Variants in NPHP4 observed in about 807,000 individuals in gnomAD.
NPHP4 encodes nephrocystin 4.
Under a neutral mutation model 155.8 loss-of-function variants are expected in NPHP4, and 151 were observed. That is an observed-to-expected ratio of 0.97 (90% CI 0.85 to 1.11). The LOEUF (loss-of-function observed/expected upper bound fraction) is 1.11, where lower values mean the gene tolerates loss of function less well. NPHP4 is among the 50% of genes least tolerant of loss of function. The pLI is 0.00. For missense variants in NPHP4, 1,956 were observed against 1,925.7 expected (o/e 1.02, Z -0.29); for synonymous variants, 845 against 816.8 (o/e 1.03, Z -0.59).
In NPHP4 at chr1:5,964,939, A is replaced by ATTTTTT. The variant is rs1232148646; in HGVS notation, c.517+2359_517+2360insAAAAAA. The stretch of plus-strand genomic sequence containing the variant: ...ATATTATATATATATATATATATAT[A>ATTTTTT]TATTTTTTTTTTTTGAGGCAGGGTC... On this transcript the variant is annotated intron_variant, in intron 5 of 29. Transcript: ENST00000378156. 3.8e-3 allele frequency among the ~76,000 whole-genome samples: 236 copies of ATTTTTT among 62,664 alleles called. 11 individuals are homozygous for ATTTTTT. The highest frequency in any genetic ancestry group is 0.016 in the African/African-American group (202 of 13,024). The allele number at this position is 62,664 out of a possible 152,430, so 41.1% of individuals were successfully genotyped here.
At chr1:5,932,469 G>A (rs954061237) in intron 10 of NPHP4, among the ~76,000 whole-genome samples, 6 of 152,008 alleles carry the variant, frequency 3.9e-5, no homozygotes, top group East Asian at 3.9e-4. Flanking sequence ...AGAGCCCAAC[G>A]GACTCTAGCC....
At position 5,956,840 on chromosome 1, in the gene NPHP4, G is replaced by C. The variant is rs1483408479; in HGVS notation, c.674-4004C>G. On this transcript the variant is annotated intron_variant, in intron 6 of 29. Transcript: ENST00000378156. The stretch of plus-strand genomic sequence containing the variant: ...TTTCTCCCCAAATACATCTTTATGA[G>C]CAGGCCCTATTATTGTCCCCAATTT... 2.0e-5 allele frequency among the ~76,000 whole-genome samples: 3 copies of C among 152,270 alleles called. No homozygotes were observed. The East Asian group carries it at 5.8e-4, about 29-fold the overall frequency.
At chr1:5,964,941 A>ATATATATATTTTTTTTT in intron 5 of NPHP4, among the ~76,000 whole-genome samples, 6 of 59,414 alleles carry the variant, frequency 1.0e-4, no homozygotes, top group Admixed American at 2.3e-4. Flanking sequence ...ATATATATAT[A>ATATATATATTTTTTTTT]TTTTTTTTTT....
chr1:5,875,070 G>A lies in NPHP4; in HGVS notation c.2848C>T (p.Arg950Trp), dbSNP rs371939932. 6 of 1,606,568 alleles carry A rather than the reference G, an allele frequency of 3.7e-6. No individual in the cohort carries two copies. Among genetic ancestry groups the A allele is most frequent in the African/African-American group, 1.3e-5 (1 of 74,920 alleles). ...AQQSVRTQHL[R>W]DLQVIAAYRE... ...TAGGCGGCGATGACCTGTAGGTCCC[G>A]CAAGTGCTGTGTGCGGACGCTCTGC... Residue 950 changes from arginine (R) to tryptophan (W), a missense_variant, in exon 21 of 30, where the codon CGG (arginine) becomes TGG (tryptophan). Physicochemically the swap from Arg to Trp is moderately radical, Grantham distance 101. Coordinates refer to ENST00000378156, the MANE Select transcript of NPHP4 (RefSeq NM_015102.5).
At chr1:5,871,929 T>C (rs1162225719) in intron 23 of NPHP4, among the ~76,000 whole-genome samples, 2 of 152,238 alleles carry the variant, frequency 1.3e-5, no homozygotes, top group Non-Finnish European at 1.5e-5. Flanking sequence ...GCAGTAATTA[T>C]GGGTAAACTA....
rs374387338 is a variant in NPHP4 at position 5,867,809 on chromosome 1, G to A, written c.3403C>T (p.Arg1135Cys). The change falls in exon 24 of 30, where the codon CGC becomes TGC. Residue 1135 changes from arginine to cysteine, a missense_variant. Arg to Cys is a radical substitution (Grantham distance 180). Coordinates refer to ENST00000378156, the MANE Select transcript of NPHP4 (RefSeq NM_015102.5). This position sits in a 1 kb window ranked among gnomAD's most constrained non-coding sequence, Gnocchi z 4.1. ...AAGGAGAGCTCCGGGTGATAGAAGCGGAAGACCTGGTCCACCACGTGGGGC... is the reference window on the plus strand; with the variant it reads ...AAGGAGAGCTCCGGGTGATAGAAGCAGAAGACCTGGTCCACCACGTGGGGC... ...LQPHVVDQVF[R>C]FYHPELSFLK... is the part of the protein sequence containing the mutation. The A allele has an allele frequency of 2.4e-5, 39 of 1,613,172 alleles. 1 individual carries two copies. Among genetic ancestry groups the A allele is most frequent in the Admixed American group, 1.8e-4 (11 of 60,000 alleles).
intron 12 of NPHP4, 74 bp downstream of exon 12, chr1:5,909,077 AG>A: frequency 8.0e-7 from 1 of 1,244,750 alleles, no homozygotes; most frequent in Non-Finnish European, 1.2e-6. Context: ...ACTGTGCTTA[AG>A]GGGGGACAGA....
chr1:5,923,827 T>G (rs767655259), intron 11 of NPHP4, among the ~76,000 whole-genome samples: 3 of 152,166 alleles, frequency 2.0e-5, no homozygotes, highest in Non-Finnish European at 4.4e-5. Context: ...TAAGAGAAAA[T>G]TCTCAGTATC....
chr1:5,926,651 C>T (rs1557752767), intron 11 of NPHP4, among the ~76,000 whole-genome samples: 1 of 152,202 alleles, frequency 6.6e-6, no homozygotes, highest in Non-Finnish European at 1.5e-5. Flanking sequence ...TCAAATTCAA[C>T]AAGACCAGTT....
At chr1:5,967,736 G>A (rs1354332145) in intron 4 of NPHP4, among the ~76,000 whole-genome samples, 3 of 152,186 alleles carry the variant, frequency 2.0e-5, no homozygotes, top group Non-Finnish European at 4.4e-5. Flanking sequence ...AGGCACATTT[G>A]GCAATGTCTG....
chr1:5,922,075 T>C (rs1645768684), intron 11 of NPHP4, among the ~76,000 whole-genome samples: 1 of 152,154 alleles, frequency 6.6e-6, no homozygotes, highest in South Asian at 2.1e-4. Flanking sequence ...TCTTTGTAAG[T>C]GAAAGGCAGG....
chr1:5,917,167 CAGGGGTGGCCCCAACCCCCACACCAAGA>C (rs565108500), intron 11 of NPHP4, among the ~76,000 whole-genome samples: 155 of 152,256 alleles, frequency 1.0e-3, no homozygotes, highest in African/African-American at 3.7e-3. Flanking sequence ...ACCATACAGT[CAGGGGTGGCCCCAACCCCCACACCAAGA>C]AGGGTGTGTG....
chr1:5,973,565 C>A (rs188881805), intron 3 of NPHP4, among the ~76,000 whole-genome samples: 13 of 152,254 alleles, frequency 8.5e-5, no homozygotes, highest in African/African-American at 3.1e-4. Flanking sequence ...CCAGCCTGGG[C>A]AACATAGTGA....
intron 10 of NPHP4, among the ~76,000 whole-genome samples, chr1:5,929,195 T>C (rs1646156679): frequency 2.0e-5 from 3 of 152,222 alleles, no homozygotes; most frequent in Admixed American, 6.5e-5. Context: ...AAAGGACTTT[T>C]TTGTAGACTC....
intron 7 of NPHP4, among the ~76,000 whole-genome samples, chr1:5,948,521 C>G (rs1292104630): frequency 2.0e-5 from 3 of 152,186 alleles, no homozygotes; most frequent in Non-Finnish European, 4.4e-5. Flanking sequence ...ATGCCTCGAT[C>G]CCCAAAACCC....
chr1:5,885,939 G>A (rs1246728483), intron 18 of NPHP4, among the ~76,000 whole-genome samples: 4 of 152,164 alleles, frequency 2.6e-5, no homozygotes, highest in Non-Finnish European at 4.4e-5. Context: ...CGTCAGCGCC[G>A]GAGTCTCCCA....
In NPHP4 at chr1:5,866,120, G is replaced by A; in HGVS notation, c.3644+253C>T. 2.0e-5 allele frequency: 11 copies of A among 542,622 alleles called. No individual in the cohort carries two copies. The South Asian group carries it at 2.0e-4, about 10-fold the overall frequency. 33.6% of individuals were successfully genotyped at this position (542,622 alleles called of 1,614,324 possible). On this transcript the variant is annotated intron_variant, in intron 26 of 29. Coordinates refer to ENST00000378156, the MANE Select transcript of NPHP4 (RefSeq NM_015102.5). Reference sequence around the variant, plus strand: ...TTGCCACTATCTGGGGACAGAGGCTGACTGGTGTCTCTCCTTGGTGGCAGG... The same window carrying A: ...TTGCCACTATCTGGGGACAGAGGCTAACTGGTGTCTCTCCTTGGTGGCAGG...
chr1:5,928,995 A>G (rs1271548478), intron 10 of NPHP4, among the ~76,000 whole-genome samples: 1 of 152,120 alleles, frequency 6.6e-6, no homozygotes, highest in Non-Finnish European at 1.5e-5. Flanking sequence ...GGACAGTTTT[A>G]TTGTTTTCAG....
chr1:5,895,585 C>T (rs1350839580), intron 16 of NPHP4, among the ~76,000 whole-genome samples: 1 of 152,192 alleles, frequency 6.6e-6, no homozygotes, highest in Non-Finnish European at 1.5e-5. Flanking sequence ...CACCCGTTAA[C>T]GCCCCATTTT....
Sources: allele counts gnomAD v4.1 joint callset (sites outside exome capture counted in the v4.1 genomes callset), GRCh38; gene constraint gnomAD v4.1.1; non-coding constraint Gnocchi (gnomAD v3.1); transcripts MANE v1.5; gene names NCBI Gene and HGNC (gene_info 2026-07-23, HGNC 2026-07-21).